The following TIAM1 variants were observed in gnomAD, a reference collection of about 807,000 sequenced individuals.
The protein encoded by TIAM1 is rho guanine nucleotide exchange factor TIAM1.
A neutral mutation model predicts 163.5 loss-of-function variants in TIAM1; 65 were observed. That is an observed-to-expected ratio of 0.40 (90% CI 0.33 to 0.49). The LOEUF (loss-of-function observed/expected upper bound fraction) is 0.49, where lower values mean the gene tolerates loss of function less well. Among genes scored for constraint, TIAM1 ranks in the 20% least tolerant of loss-of-function variants. The pLI is 0.77. For missense variants in TIAM1, 1,789 were observed against 2,044.7 expected, an observed-to-expected ratio of 0.87 and a Z score of 2.41; for synonymous variants, 833 against 810.1, an observed-to-expected ratio of 1.03 and a Z score of -0.48.
intron 6 of TIAM1, among the ~76,000 whole-genome samples, chr21:31,242,427 C>T (rs2071231175): frequency 6.6e-6 from 1 of 151,944 alleles, no homozygotes; most frequent in Non-Finnish European, 1.5e-5. Context: ...GGAGGCTGAG[C>T]TGGGAGGATT....
chr21:31,510,518 T>C (rs1003250393), intron 1 of TIAM1, among the ~76,000 whole-genome samples: 10 of 152,158 alleles, frequency 6.6e-5, no homozygotes, highest in South Asian at 2.1e-4. Context: ...TTTCAGCCCA[T>C]AACAGACCTC....
At chr21:31,497,085 C>T (rs1569386382) in intron 1 of TIAM1, among the ~76,000 whole-genome samples, 1 of 152,184 alleles carries the variant, frequency 6.6e-6, no homozygotes, top group Non-Finnish European at 1.5e-5. Context: ...GCTGTGCGGC[C>T]CTGTTCCTAA....
At chr21:31,265,553 G>A (rs967146317) in intron 4 of TIAM1, among the ~76,000 whole-genome samples, 6 of 150,002 alleles carry the variant, frequency 4.0e-5, no homozygotes, top group Non-Finnish European at 7.4e-5. Flanking sequence ...ACCCAAACCC[G>A]CCCAGAATTT....
At chr21:31,279,387 G>T (rs1471064009) in intron 2 of TIAM1, among the ~76,000 whole-genome samples, 1 of 152,162 alleles carries the variant, frequency 6.6e-6, no homozygotes, top group Non-Finnish European at 1.5e-5. Context: ...TTGTCTCATG[G>T]CCTTGTGAAT....
At chr21:31,307,867 A>T (rs2074775560) in intron 2 of TIAM1, among the ~76,000 whole-genome samples, 1 of 152,168 alleles carries the variant, frequency 6.6e-6, no homozygotes, top group Non-Finnish European at 1.5e-5. Context: ...TTACAAGATA[A>T]AAAATAGAGG....
At chr21:31,540,468 G>A (rs2048286795) in intron 1 of TIAM1, among the ~76,000 whole-genome samples, 1 of 152,232 alleles carries the variant, frequency 6.6e-6, no homozygotes, top group Non-Finnish European at 1.5e-5. Context: ...GCCGGAAGAG[G>A]TGGCTCACGC....
Position 31,266,050 on chromosome 21 carries a change from T to C in TIAM1, c.923A>G (p.His308Arg). The change falls in exon 4 of 28, where the codon CAT (histidine) becomes CGT (arginine). Residue 308 changes from histidine to arginine, a missense_variant. His to Arg is a conservative substitution (Grantham distance 29). Around this residue, in one of 5 missense-constraint regions of TIAM1, gnomAD observed 555 missense variants for 564.9 expected, o/e 0.98. Coordinates refer to ENST00000541036, the MANE Select transcript of TIAM1 (RefSeq NM_001353694.2). ...SEGATNPQIS[H>R]SNSMQGRRAK... The stretch of plus-strand genomic sequence containing the variant: ...TCTTCTGCCTTGCATGCTGTTGCTA[T>C]GGCTAATTTGTGGGTTGGTGGCACC... The C allele has an allele frequency of 1.2e-6, 2 of 1,614,256 alleles. No homozygotes were observed. Among genetic ancestry groups the C allele is most frequent in the Non-Finnish European group, 1.7e-6 (2 of 1,180,048 alleles).
intron 13 of TIAM1, 109 bp from the exon 14 acceptor site, chr21:31,187,196 G>T: frequency 2.0e-6 from 2 of 991,882 alleles, no homozygotes; most frequent in Non-Finnish European, 3.1e-6. Context: ...TGTCATTATA[G>T]TTTGGACTGA....
chr21:31,310,656 GACGCAGAAGGTAACC>G (rs2074889973), intron 2 of TIAM1, among the ~76,000 whole-genome samples: 1 of 152,160 alleles, frequency 6.6e-6, no homozygotes, highest in Non-Finnish European at 1.5e-5. Flanking sequence ...CTGCCTTTCA[GACGCAGAAGGTAACC>G]ACTCCCTGAT....
chr21:31,544,494 G>A (rs987545339), intron 1 of TIAM1, among the ~76,000 whole-genome samples: 4 of 151,838 alleles, frequency 2.6e-5, no homozygotes, highest in Non-Finnish European at 4.4e-5. Flanking sequence ...CAGGCACGAT[G>A]GTGGGCGCCT....
intron 2 of TIAM1, among the ~76,000 whole-genome samples, chr21:31,279,788 TAA>T (rs2073462999): frequency 6.6e-6 from 1 of 152,182 alleles, no homozygotes; most frequent in Admixed American, 6.5e-5. Context: ...CACTACTATT[TAA>T]AATGTTTAAA....
intron 4 of TIAM1, among the ~76,000 whole-genome samples, chr21:31,252,502 A>C (rs140258757): frequency 6.6e-6 from 1 of 152,188 alleles, no homozygotes; most frequent in Non-Finnish European, 1.5e-5. Flanking sequence ...CGAATTGGCA[A>C]ATTCGCGATT....
chr21:31,374,976 T>C (rs1044365538), intron 2 of TIAM1, among the ~76,000 whole-genome samples: 2 of 152,208 alleles, frequency 1.3e-5, no homozygotes, highest in African/African-American at 4.8e-5. Context: ...GAGAGAAATT[T>C]AGCAAGAAAT....
chr21:31,206,503 C>T (rs2086459079), intron 11 of TIAM1, among the ~76,000 whole-genome samples: 1 of 152,082 alleles, frequency 6.6e-6, no homozygotes, highest in Admixed American at 6.5e-5. Flanking sequence ...AAAATTGAGA[C>T]TCGTAAAACA....
intron 2 of TIAM1, among the ~76,000 whole-genome samples, chr21:31,448,674 G>A (rs488726): frequency 0.83 from 125,125 of 151,030 alleles, 52,244 homozygotes; most frequent in African/African-American, 0.91. Flanking sequence ...GAGCATGGAG[G>A]TGTCTTGCAA....
At chr21:31,257,101 G>A (rs917889834) in intron 4 of TIAM1, among the ~76,000 whole-genome samples, 10 of 152,160 alleles carry the variant, frequency 6.6e-5, no homozygotes, top group Non-Finnish European at 1.5e-4. Flanking sequence ...CACTAAACTA[G>A]GAAAATGGTG....
At chr21:31,171,476 G>A (rs2084510457) in intron 15 of TIAM1, among the ~76,000 whole-genome samples, 1 of 152,070 alleles carries the variant, frequency 6.6e-6, no homozygotes, top group South Asian at 2.1e-4. Flanking sequence ...CTAACAAAAT[G>A]TTAACATCTA....
intron 2 of TIAM1, among the ~76,000 whole-genome samples, chr21:31,293,962 C>T (rs2074128404): frequency 1.3e-5 from 2 of 152,170 alleles, no homozygotes; most frequent in Admixed American, 6.5e-5. Context: ...CCCCTCCCAA[C>T]AAACATAAAT....
chr21:31,196,143 G>C (rs1198683970), intron 12 of TIAM1, among the ~76,000 whole-genome samples: 5 of 152,032 alleles, frequency 3.3e-5, no homozygotes, highest in African/African-American at 1.2e-4. Flanking sequence ...CATATATGTG[G>C]CCAATAAATA....
Sources: allele counts gnomAD v4.1 joint callset (sites outside exome capture counted in the v4.1 genomes callset), GRCh38; gene constraint gnomAD v4.1.1; regional missense constraint gnomAD v4.1.1; transcripts MANE v1.5; gene names NCBI Gene and HGNC (gene_info 2026-07-23, HGNC 2026-07-21).